DNAJC10: variants seen among roughly 807,000 people sequenced by gnomAD.
The protein encoded by DNAJC10 is endoplasmic reticulum disulfide reductase DNAJC10.
A neutral mutation model predicts 115.0 loss-of-function variants in DNAJC10; 101 were observed. The ratio of observed to expected loss-of-function variants is 0.88; its 90% CI spans 0.75 to 1.04. DNAJC10 has a LOEUF of 1.04. Among genes scored for constraint, DNAJC10 ranks in the 50% least tolerant of loss-of-function variants. DNAJC10 has a pLI of 0.00. For synonymous variants in DNAJC10, 307 were observed against 301.5 expected (o/e 1.02, Z -0.19); for missense variants, 981 against 928.8 (o/e 1.06, Z -0.73).
chr2:182,759,262 T>C lies in DNAJC10; in HGVS notation c.2100T>C (p.Cys700=), dbSNP rs746403548. The C allele has an allele frequency of 6.2e-7, 1 of 1,610,974 alleles. No homozygotes were observed. Among genetic ancestry groups the C allele is most frequent in the Admixed American group, 1.7e-5 (1 of 59,058 alleles). The stretch of plus-strand genomic sequence containing the variant: ...TGATTGATTTCTATGCTCCTTGGTG[T>C]GGACCTTGCCAGAATTTTGCTCCAG... ...HWVIDFYAPW[C]GPCQNFAPEF... The change falls in exon 21 of 24, where the codon TGT becomes TGC. Residue 700 remains cysteine, a synonymous_variant. Coordinates refer to ENST00000264065, the MANE Select transcript of DNAJC10 (RefSeq NM_018981.4).
intron 10 of DNAJC10, among the ~76,000 whole-genome samples, chr2:182,734,606 C>T (rs1693539872): frequency 6.6e-6 from 1 of 151,738 alleles, no homozygotes; most frequent in South Asian, 2.1e-4. Context: ...TAATCAGATC[C>T]TCTAGATCTT....
Position 182,722,038 on chromosome 2 carries a change from T to C in DNAJC10, c.381T>C (p.Asp127=). ...YYRYDFGIYD[D]DPEIITLERR... is the part of the protein sequence containing the mutation. ...TTTTAAAATTAGGTATTTATGATGA[T>C]GATCCTGAAATCATAACATTGGAAA... is the stretch of plus-strand genomic sequence containing the variant. The change falls in exon 5 of 24, where the codon GAT becomes GAC. Residue 127 remains aspartate, a synonymous_variant. Coordinates refer to ENST00000264065, the MANE Select transcript of DNAJC10 (RefSeq NM_018981.4). The C allele has an allele frequency of 6.5e-7, 1 of 1,548,112 alleles. No individual in the cohort carries two copies. Among genetic ancestry groups the C allele is most frequent in the South Asian group, 1.2e-5 (1 of 80,624 alleles).
Position 182,731,116 on chromosome 2 carries a change from A to AT in DNAJC10, c.805+15dup. 1.3e-6 allele frequency: 2 copies of AT among 1,598,282 alleles called. No homozygotes were observed. The highest frequency in any genetic ancestry group is 1.7e-6 in the Non-Finnish European group (2 of 1,169,742). On this transcript the variant is annotated intron_variant, in intron 9 of 23. Coordinates refer to ENST00000264065, the MANE Select transcript of DNAJC10 (RefSeq NM_018981.4). ...TTGTTCAAAAGGAGGAGGTAATACT[A>AT]TTTTTTAATTTTGTTGGAATGAGAA...
At chr2:182,741,493 T>A (rs1693735633) in intron 13 of DNAJC10, 137 bp downstream of exon 13, 1 of 461,662 alleles carries the variant, frequency 2.2e-6, no homozygotes, top group African/African-American at 2.1e-5. Flanking sequence ...AGTCTTGGTT[T>A]GTGCTTGCTT....
rs187061083 is a variant in DNAJC10, at chr2:182,730,947, A to G, written c.728-83A>G. ...GGATTAGAAGAGGGTGAGATTAGAA[A>G]GGAAAAATTACTTAGAAGACTGTTT... On this transcript the variant is annotated intron_variant, in intron 8 of 23. Coordinates refer to ENST00000264065, the MANE Select transcript of DNAJC10 (RefSeq NM_018981.4). 4 of 908,160 alleles carry G rather than the reference A, an allele frequency of 4.4e-6. No individual in the cohort carries two copies. In the African/African-American group the frequency reaches 5.0e-5, roughly 11 times the overall value. 56.3% of individuals were successfully genotyped at this position (908,160 alleles called of 1,614,324 possible).
chr2:182,788,893 C>CT lies in DNAJC10; in HGVS notation c.*11765dup. ...GTGTCTTCTTTAAAACTCTTGATTC[C>CT]TTTTAGAGTTTTTTAAATTGTGATA... On this transcript the variant is annotated 3_prime_UTR_variant, in exon 24 of 24. Coordinates refer to ENST00000264065, the MANE Select transcript of DNAJC10 (RefSeq NM_018981.4). The CT allele has an allele frequency of 2.3e-6, 1 of 432,372 alleles. No homozygotes were observed. Among genetic ancestry groups the CT allele is most frequent in the Non-Finnish European group, 4.5e-6 (1 of 220,508 alleles). The allele number at this position is 432,372 out of a possible 1,614,324, so 26.8% of individuals were successfully genotyped here.
intron 19 of DNAJC10, among the ~76,000 whole-genome samples, chr2:182,758,109 C>T (rs895474700): frequency 2.6e-5 from 4 of 152,120 alleles, no homozygotes; most frequent in African/African-American, 9.7e-5. Context: ...ATATTAGATA[C>T]TTTACTCACC....
In DNAJC10 at chr2:182,748,043, C is replaced by T. The variant is rs561902853; in HGVS notation, c.1307-3615C>T. Among the ~76,000 whole-genome samples the T allele has an allele frequency of 9.9e-3, 1,389 of 140,894 alleles. 14 individuals carry two copies. The highest frequency in any genetic ancestry group is 0.038 in the African/African-American group (1,319 of 34,906). 92.4% of individuals were successfully genotyped at this position (140,894 alleles called of 152,430 possible). A position where few individuals can be genotyped will look rare whatever the true frequency, so the allele number is the denominator to read the frequency against. On this transcript the variant is annotated intron_variant, in intron 14 of 23. Coordinates refer to ENST00000264065, the MANE Select transcript of DNAJC10 (RefSeq NM_018981.4). ...ATGCTGGATTACATTTATTGATTTG[C>T]GTATATTGAACCAGCCTTGCATCCC...
In DNAJC10 at chr2:182,779,801, CAAA is replaced by C. The variant is rs1001854374; in HGVS notation, c.*2674_*2676del. 6.6e-6 allele frequency: 1 copy of C among 151,754 alleles called. No individual in the cohort carries two copies. Among genetic ancestry groups the C allele is most frequent in the Non-Finnish European group, 1.5e-5 (1 of 67,930 alleles). 9.4% of individuals were successfully genotyped at this position (151,754 alleles called of 1,614,324 possible). A position where few individuals can be genotyped will look rare whatever the true frequency, so the allele number is the denominator to read the frequency against. On this transcript the variant is annotated 3_prime_UTR_variant, in exon 24 of 24. Transcript: ENST00000264065. ...GGAATTTTTTTAGAAGTACGGTTAT[CAAA>C]AAAACACATTTCCTATGGGACACAC...
At chr2:182,767,672 G>A (rs1370504493) in intron 22 of DNAJC10, among the ~76,000 whole-genome samples, 4 of 152,096 alleles carry the variant, frequency 2.6e-5, no homozygotes, top group Non-Finnish European at 1.5e-5. Flanking sequence ...GGCCGGTGAG[G>A]GGGTGGGGGG....
chr2:182,737,086 G>A (rs532968096), intron 11 of DNAJC10, among the ~76,000 whole-genome samples: 43 of 152,172 alleles, frequency 2.8e-4, no homozygotes, highest in Non-Finnish European at 4.9e-4. Context: ...ATATAGATCA[G>A]TGGTAGTTTT....
At chr2:182,742,953 TCTG>T (rs1201674260) in intron 13 of DNAJC10, among the ~76,000 whole-genome samples, 1 of 152,040 alleles carries the variant, frequency 6.6e-6, no homozygotes, top group East Asian at 1.9e-4. Context: ...TTCAAGCAGT[TCTG>T]CTGCCTCAGC....
intron 15 of DNAJC10, 133 bp from the exon 16 acceptor site, chr2:182,751,939 G>T: frequency 8.4e-7 from 1 of 1,190,186 alleles, no homozygotes; most frequent in Non-Finnish European, 1.2e-6. Context: ...GAGTGCTAAT[G>T]TAATTACTCC....
chr2:182,754,850 C>T, intron 16 of DNAJC10, 153 bp from the exon 17 acceptor site: 1 of 1,367,464 alleles, frequency 7.3e-7, no homozygotes. Context: ...AAGTCCTTTG[C>T]TAAATTTGGT....
rs1693112651 is a variant in DNAJC10 at position 182,720,117 on chromosome 2, G to A, written c.315G>A (p.Glu105=). 1 of 1,612,102 alleles carries A rather than the reference G, an allele frequency of 6.2e-7. No homozygotes were observed. Residue 105 remains glutamate (E), a synonymous_variant, in exon 4 of 24, where the codon GAG becomes GAA. Coordinates refer to ENST00000264065, the MANE Select transcript of DNAJC10 (RefSeq NM_018981.4). The part of the protein sequence containing the change: ...KYDKYGEKGL[E]DNQGGQYESW... ...ACAAATATGGAGAAAAGGGACTTGAGGATAATCAAGGTGGCCAGTATGAAA... is the reference window on the plus strand; with the variant it reads ...ACAAATATGGAGAAAAGGGACTTGAAGATAATCAAGGTGGCCAGTATGAAA...
intron 21 of DNAJC10, among the ~76,000 whole-genome samples, chr2:182,759,702 A>G (rs191613676): frequency 6.6e-5 from 10 of 151,978 alleles, no homozygotes; most frequent in East Asian, 1.9e-4. Context: ...TGTTTCTTCA[A>G]CCCTTTATCA....
At chr2:182,718,512 C>T (rs1253039610) in intron 3 of DNAJC10, among the ~76,000 whole-genome samples, 9 of 152,016 alleles carry the variant, frequency 5.9e-5, no homozygotes, top group East Asian at 1.9e-4. Flanking sequence ...AATTTGTAGA[C>T]GATTTTCCAA....
At chr2:182,756,029 T>G (rs1456847753) in intron 17 of DNAJC10, among the ~76,000 whole-genome samples, 4 of 152,188 alleles carry the variant, frequency 2.6e-5, no homozygotes, top group African/African-American at 9.7e-5. Flanking sequence ...TAGCTATCCT[T>G]AAGCATCTTT....
chr2:182,739,424 G>T (rs1206325016), intron 11 of DNAJC10: 1 of 646,050 alleles, frequency 1.5e-6, no homozygotes, highest in African/African-American at 2.0e-5. Context: ...GATCTTTCAA[G>T]TAATACTTAA....
Sources: gnomAD v4.1 joint callset for allele counts (sites outside exome capture counted in the v4.1 genomes callset) on GRCh38, gnomAD v4.1.1 for gene constraint, MANE v1.5 for transcripts, NCBI Gene and HGNC (gene_info 2026-07-23, HGNC 2026-07-21) for gene names.